The following COL16A1 variants were observed in gnomAD, a reference collection of about 807,000 sequenced individuals.
COL16A1 encodes the protein collagen alpha-1(XVI) chain.
COL16A1 carries 189 observed loss-of-function variants against 266.3 expected under a neutral mutation model. The ratio of observed to expected loss-of-function variants is 0.71; its 90% CI spans 0.63 to 0.80. The LOEUF (loss-of-function observed/expected upper bound fraction) is 0.80. Among genes scored for constraint, COL16A1 ranks in the 30% least tolerant of loss-of-function variants. The pLI is 0.00. For synonymous variants in COL16A1, 740 were observed against 782.3 expected (o/e 0.95, Z 0.90); for missense variants, 1,928 against 2,122.4 (o/e 0.91, Z 1.80).
chr1:31,681,124 G>A (rs929116061), intron 37 of COL16A1, 57 bp from the exon 38 acceptor site: 4 of 1,555,978 alleles, frequency 2.6e-6, no homozygotes, highest in Non-Finnish European at 3.5e-6. Flanking sequence ...CAGCCATCTG[G>A]CCTGCTGCAG....
At position 31,697,086 on chromosome 1, in the gene COL16A1, G is replaced by T. The variant is rs375035992; in HGVS notation, c.741C>A (p.Cys247Ter). The T allele has an allele frequency of 6.2e-7, 1 of 1,614,110 alleles. No homozygotes were observed. The highest frequency in any genetic ancestry group is 1.1e-5 in the South Asian group (1 of 91,076). ...GGCGGGCCTTGGAGGTCTCTGGGGGGCACTGTTTGGTGGAAGAGCGGGGCT... is the reference window on the plus strand; with the variant it reads ...GGCGGGCCTTGGAGGTCTCTGGGGGTCACTGTTTGGTGGAAGAGCGGGGCT... ...EGCCEILPAG[C>*]PPETSKARRD... Residue 247 changes from cysteine (C) to a stop codon, truncating the protein, a stop_gained and splice_region_variant, in exon 8 of 71, where the codon TGC becomes TGA. Coordinates refer to ENST00000373672, the MANE Select transcript of COL16A1 (RefSeq NM_001856.4). LOFTEE classifies it high-confidence loss of function. The surrounding 1 kb of genome is among the most constrained non-coding windows in gnomAD (Gnocchi z 4.2).
chr1:31,677,254 T>A (rs968345496), intron 42 of COL16A1, among the ~76,000 whole-genome samples: 2 of 152,042 alleles, frequency 1.3e-5, no homozygotes, highest in Admixed American at 6.6e-5. Flanking sequence ...CCCGGTTAAT[T>A]CTTTTTGTAT....
rs201181916 is a variant in COL16A1 at position 31,680,974 on chromosome 1, G to A, written c.2584-43C>T. The A allele has an allele frequency of 9.0e-5, 145 of 1,614,036 alleles. 1 individual carries two copies. In the African/African-American group the frequency reaches 1.3e-3, roughly 15 times the overall value. Reference sequence around the variant, plus strand: ...AGGAAGGTGAGCAGATAGGGGTGCCGAGGCAGGGCCGGCCATGGCTTCCTG... The same window carrying A: ...AGGAAGGTGAGCAGATAGGGGTGCCAAGGCAGGGCCGGCCATGGCTTCCTG... On this transcript the variant is annotated intron_variant, in intron 38 of 70. Coordinates refer to ENST00000373672, the MANE Select transcript of COL16A1 (RefSeq NM_001856.4).
At position 31,663,647 on chromosome 1, in the gene COL16A1, C is replaced by T. The variant is rs1641878973; in HGVS notation, c.3556-989G>A. On this transcript the variant is annotated intron_variant, in intron 56 of 70. Coordinates refer to ENST00000373672, the MANE Select transcript of COL16A1 (RefSeq NM_001856.4). This position sits in a 1 kb window ranked among gnomAD's most constrained non-coding sequence, Gnocchi z 4.9. Reference sequence around the variant, plus strand: ...AAGAGAGGGACTCTAGGACCCCCACCGTTGTCTTAGCCAGGGAATCTCCGC... The same window carrying T: ...AAGAGAGGGACTCTAGGACCCCCACTGTTGTCTTAGCCAGGGAATCTCCGC... 6.6e-6 allele frequency among the ~76,000 whole-genome samples: 1 copy of T among 152,090 alleles called. No individual in the cohort carries two copies. The highest frequency in any genetic ancestry group is 2.4e-5 in the African/African-American group (1 of 41,398).
Position 31,690,620 on chromosome 1 carries a change from A to G in COL16A1, c.1438-47T>C, listed in dbSNP as rs371821220. 79 of 1,602,790 alleles carry G rather than the reference A, an allele frequency of 4.9e-5. 1 individual carries two copies. The African/African-American group carries it at 6.3e-4, about 13-fold the overall frequency. Reference sequence around the variant, plus strand: ...AGCGGGGAGCCTTCTGGCCAATGCAATCTCGGTGCGTTCCCCCTTCCCCAC... The same window carrying G: ...AGCGGGGAGCCTTCTGGCCAATGCAGTCTCGGTGCGTTCCCCCTTCCCCAC... On this transcript the variant is annotated intron_variant, in intron 20 of 70. Coordinates refer to ENST00000373672, the MANE Select transcript of COL16A1 (RefSeq NM_001856.4).
intron 44 of COL16A1, among the ~76,000 whole-genome samples, chr1:31,673,476 A>G (rs1338552075): frequency 1.3e-5 from 2 of 152,186 alleles, no homozygotes; most frequent in Non-Finnish European, 2.9e-5. Context: ...AGGACTCAGG[A>G]GCCCGGAGCC....
intron 52 of COL16A1, among the ~76,000 whole-genome samples, chr1:31,667,343 G>A (rs1218485969): frequency 1.3e-5 from 2 of 152,222 alleles, no homozygotes; most frequent in Admixed American, 1.3e-4. Flanking sequence ...CTTTGTAGGA[G>A]GCGGAGGAGT....
chr1:31,687,399 A>C (rs1245822230), intron 26 of COL16A1, among the ~76,000 whole-genome samples: 1 of 131,432 alleles, frequency 7.6e-6, no homozygotes, highest in Non-Finnish European at 1.7e-5. Context: ...AAAAAAAAAA[A>C]ACCAACAACG....
In COL16A1 at chr1:31,685,571, A is replaced by T; in HGVS notation, c.2016+68T>A. On this transcript the variant is annotated intron_variant, in intron 29 of 70. Transcript: ENST00000373672. This position sits in a 1 kb window ranked among gnomAD's most constrained non-coding sequence, Gnocchi z 4.0. ...CAGGGAGTCAAGAGACCCAGGCAGG[A>T]CCCCTCCCCTCTCCTTAGCCCCGCC... 7.0e-7 allele frequency: 1 copy of T among 1,422,524 alleles called. No individual in the cohort carries two copies. The highest frequency in any genetic ancestry group is 9.6e-7 in the Non-Finnish European group (1 of 1,045,168). The allele number at this position is 1,422,524 out of a possible 1,614,324, so 88.1% of individuals were successfully genotyped here. A position where few individuals can be genotyped will look rare whatever the true frequency, so the allele number is the denominator to read the frequency against.
At chr1:31,687,932 T>C (rs1349093287) in intron 26 of COL16A1, among the ~76,000 whole-genome samples, 1 of 152,212 alleles carries the variant, frequency 6.6e-6, no homozygotes, top group Non-Finnish European at 1.5e-5. Flanking sequence ...CATAAATAGA[T>C]ACGTTAACAC....
At chr1:31,653,499 C>A in intron 70 of COL16A1, 100 bp downstream of exon 70, 2 of 1,372,978 alleles carry the variant, frequency 1.5e-6, no homozygotes, top group South Asian at 1.4e-5. Flanking sequence ...ACTGGCCTGT[C>A]GTTATTTGGA....
At position 31,670,929 on chromosome 1, in the gene COL16A1, G is replaced by A. The variant is rs910639424; in HGVS notation, c.3151-283C>T. ...TCTAACTGAAGATCCGGTTGCAGCA[G>A]AAGCCCATTTCTTTCAGCCTTGCCC... On this transcript the variant is annotated intron_variant, in intron 48 of 70. Coordinates refer to ENST00000373672, the MANE Select transcript of COL16A1 (RefSeq NM_001856.4). This position sits in a 1 kb window ranked among gnomAD's most constrained non-coding sequence, Gnocchi z 4.5. 6.6e-6 allele frequency among the ~76,000 whole-genome samples: 1 copy of A among 152,214 alleles called. No individual in the cohort carries two copies. Among genetic ancestry groups the A allele is most frequent in the African/African-American group, 2.4e-5 (1 of 41,450 alleles).
In COL16A1 at chr1:31,696,124, C is replaced by T. The variant is rs201367813; in HGVS notation, c.882G>A (p.Thr294=). The T allele has an allele frequency of 1.7e-4, 267 of 1,613,670 alleles. 2 individuals are homozygous for T. The highest frequency in any genetic ancestry group is 1.5e-3 in the African/African-American group (113 of 74,932). ...TTTCTGCCTTCTGGCTGATTCTTCC[C>T]GTCAGCTGGGCATCCACCTGGGCAG... ...PQNSEVDAQL[T]GRISQKAERG... Residue 294 remains threonine (T), a synonymous_variant, in exon 9 of 71, where the codon ACG becomes ACA. Transcript: ENST00000373672.
chr1:31,697,083 G>A lies in COL16A1; in HGVS notation c.744C>T (p.Pro248=). ...GCCEILPAGC[P]PETSKARRDT... ...CCCGGCGGGCCTTGGAGGTCTCTGG[G>A]GGGCACTGTTTGGTGGAAGAGCGGG... Residue 248 remains proline (P), a synonymous_variant, in exon 8 of 71, where the codon CCC becomes CCT. Coordinates refer to ENST00000373672, the MANE Select transcript of COL16A1 (RefSeq NM_001856.4). The surrounding 1 kb of genome is among the most constrained non-coding windows in gnomAD (Gnocchi z 4.2). The A allele has an allele frequency of 6.2e-7, 1 of 1,614,120 alleles. No homozygotes were observed. Among genetic ancestry groups the A allele is most frequent in the South Asian group, 1.1e-5 (1 of 91,066 alleles).
At chr1:31,695,588 C>T (rs555965785) in intron 10 of COL16A1, among the ~76,000 whole-genome samples, 173 bp downstream of exon 10, 1 of 152,244 alleles carries the variant, frequency 6.6e-6, no homozygotes, top group East Asian at 1.9e-4. Flanking sequence ...GGGCTACCTA[C>T]CCCCCAACCC....
chr1:31,668,342 G>T lies in COL16A1; in HGVS notation c.3250-124C>A. ...ATCTAGCAGGTGCCAGCCTGCCCCA[G>T]CATTGCACACTGGGCCATCTCCCCA... On this transcript the variant is annotated intron_variant, in intron 50 of 70. Transcript: ENST00000373672. The surrounding 1 kb of genome is among the most constrained non-coding windows in gnomAD (Gnocchi z 5.8). 1 of 992,808 alleles carries T rather than the reference G, an allele frequency of 1.0e-6. No individual in the cohort carries two copies. Among genetic ancestry groups the T allele is most frequent in the Non-Finnish European group, 1.6e-6 (1 of 643,330 alleles). 61.5% of individuals were successfully genotyped at this position (992,808 alleles called of 1,614,324 possible).
At position 31,683,702 on chromosome 1, in the gene COL16A1, C is replaced by G; in HGVS notation, c.2379+5G>C. On this transcript the variant is annotated splice_donor_5th_base_variant and intron_variant, in intron 34 of 70. Coordinates refer to ENST00000373672, the MANE Select transcript of COL16A1 (RefSeq NM_001856.4). ...GGACAGGCAAAGGCAGGGCTAGAGA[C>G]TCACCTGGGGTCCCTGGACTCCCCT... 6.2e-7 allele frequency: 1 copy of G among 1,614,138 alleles called. No homozygotes were observed.
In COL16A1 at chr1:31,663,993, G is replaced by T. The variant is rs997478485; in HGVS notation, c.3555+1179C>A. Among the ~76,000 whole-genome samples the T allele has an allele frequency of 6.6e-6, 1 of 152,138 alleles. No individual in the cohort carries two copies. The highest frequency in any genetic ancestry group is 1.5e-5 in the Non-Finnish European group (1 of 68,014). On this transcript the variant is annotated intron_variant, in intron 56 of 70. Transcript: ENST00000373672. The surrounding 1 kb of genome is among the most constrained non-coding windows in gnomAD (Gnocchi z 4.9). ...AGCAAAGGGGAAAATGAACTCGGGGGCTCTGTAATGCCACCAGCCACCAGG... is the reference window on the plus strand; with the variant it reads ...AGCAAAGGGGAAAATGAACTCGGGGTCTCTGTAATGCCACCAGCCACCAGG...
chr1:31,670,766 C>A lies in COL16A1; in HGVS notation c.3151-120G>T. On this transcript the variant is annotated intron_variant, in intron 48 of 70. Transcript: ENST00000373672. This position sits in a 1 kb window ranked among gnomAD's most constrained non-coding sequence, Gnocchi z 4.5. Reference sequence around the variant, plus strand: ...GGAGGTCATGGGAGTATTTTCAAGGCAGCTGGAAAAGAGACTCCTTGAAAG... The same window carrying A: ...GGAGGTCATGGGAGTATTTTCAAGGAAGCTGGAAAAGAGACTCCTTGAAAG... 1.2e-6 allele frequency: 1 copy of A among 808,506 alleles called. No homozygotes were observed. Among genetic ancestry groups the A allele is most frequent in the South Asian group, 3.7e-5 (1 of 26,786 alleles). 50.1% of individuals were successfully genotyped at this position (808,506 alleles called of 1,614,324 possible).
Sources: allele counts gnomAD v4.1 joint callset (sites outside exome capture counted in the v4.1 genomes callset), GRCh38; gene constraint gnomAD v4.1.1; non-coding constraint Gnocchi (gnomAD v3.1); transcripts MANE v1.5; gene names NCBI Gene and HGNC (gene_info 2026-07-23, HGNC 2026-07-21).